Variants in CADM2 observed in about 807,000 individuals in gnomAD.
CADM2 encodes the protein immunoglobulin superfamily member 4D.
A neutral mutation model predicts 49.8 loss-of-function variants in CADM2; 12 were observed. The observed-to-expected ratio is 0.24, with a 90% CI of 0.15 to 0.39. The LOEUF (loss-of-function observed/expected upper bound fraction) is 0.39, where lower values mean the gene tolerates loss of function less well. Ranked by LOEUF, CADM2 falls within the 10% of genes least tolerant of loss-of-function variation. The pLI is 1.00. For missense variants in CADM2, 378 were observed against 492.3 expected (o/e 0.77, Z 2.20); for synonymous variants, 214 against 175.4 (o/e 1.22, Z -1.74).
intron 1 of CADM2, among the ~76,000 whole-genome samples, chr3:85,098,101 A>G (rs971001804): frequency 2.6e-5 from 4 of 152,158 alleles, no homozygotes; most frequent in African/African-American, 9.7e-5. Context: ...TCCAGCAACC[A>G]TGTGATTGGC....
chr3:85,481,818 T>C (rs568444492), intron 1 of CADM2, among the ~76,000 whole-genome samples: 24 of 151,888 alleles, frequency 1.6e-4, no homozygotes, highest in African/African-American at 5.5e-4. Flanking sequence ...TCTTGGTTTT[T>C]TTTTTTTCCT....
chr3:85,504,163 C>T (rs1012910467), intron 1 of CADM2, among the ~76,000 whole-genome samples: 18 of 152,026 alleles, frequency 1.2e-4, no homozygotes, highest in African/African-American at 2.7e-4. Flanking sequence ...TTCGGAGTTT[C>T]TTCCTTCTGG....
At chr3:85,787,523 G>A (rs772488902) in intron 2 of CADM2, among the ~76,000 whole-genome samples, 1 of 151,894 alleles carries the variant, frequency 6.6e-6, no homozygotes, top group Non-Finnish European at 1.5e-5. Context: ...CCAAAATCCA[G>A]GCATACTCAA....
chr3:85,321,564 GTTA>G (rs2044613441), intron 1 of CADM2, among the ~76,000 whole-genome samples: 1 of 151,972 alleles, frequency 6.6e-6, no homozygotes, highest in Non-Finnish European at 1.5e-5. Flanking sequence ...AATTATATGA[GTTA>G]TTATGTTGTT....
At chr3:85,077,760 A>G (rs2037003459) in intron 1 of CADM2, among the ~76,000 whole-genome samples, 1 of 152,098 alleles carries the variant, frequency 6.6e-6, no homozygotes, top group Non-Finnish European at 1.5e-5. Context: ...GTATAAAGAA[A>G]AGTTTTTTGT....
At chr3:85,481,692 T>C (rs1398464575) in intron 1 of CADM2, among the ~76,000 whole-genome samples, 1 of 151,692 alleles carries the variant, frequency 6.6e-6, no homozygotes, top group African/African-American at 2.4e-5. Flanking sequence ...TAATATCCCC[T>C]AGCACAATGT....
chr3:85,941,829 G>C (rs1400042944), intron 7 of CADM2, among the ~76,000 whole-genome samples: 3 of 152,040 alleles, frequency 2.0e-5, no homozygotes, highest in Non-Finnish European at 4.4e-5. Context: ...CTCAGGAGTG[G>C]TGAGGAATCC....
intron 1 of CADM2, among the ~76,000 whole-genome samples, chr3:85,491,321 G>A (rs1182904028): frequency 1.3e-5 from 2 of 152,034 alleles, no homozygotes; most frequent in Admixed American, 6.5e-5. Context: ...TTTTTAATAA[G>A]ACAAAATAGA....
At chr3:85,953,606 C>A (rs1158817378) in intron 7 of CADM2, among the ~76,000 whole-genome samples, 1 of 150,852 alleles carries the variant, frequency 6.6e-6, no homozygotes, top group African/African-American at 2.4e-5. Context: ...TGTTTCATAA[C>A]TCATTTATGC....
intron 1 of CADM2, among the ~76,000 whole-genome samples, chr3:85,163,439 T>C (rs568956317): frequency 5.3e-5 from 8 of 152,118 alleles, no homozygotes; most frequent in African/African-American, 1.9e-4. Flanking sequence ...GAGTAGTATA[T>C]CTCAGCCATA....
intron 1 of CADM2, among the ~76,000 whole-genome samples, chr3:85,721,721 A>G (rs2067510487): frequency 6.6e-6 from 1 of 152,210 alleles, no homozygotes; most frequent in South Asian, 2.1e-4. Flanking sequence ...CAGGGCCCCA[A>G]AGTGGGAGCC....
intron 1 of CADM2, among the ~76,000 whole-genome samples, chr3:85,662,322 C>T (rs2107612752): frequency 6.7e-6 from 1 of 149,426 alleles, no homozygotes; most frequent in South Asian, 2.1e-4. Flanking sequence ...CAAGAGATTT[C>T]TCTTAGGAAT....
intron 1 of CADM2, among the ~76,000 whole-genome samples, chr3:85,120,214 A>G (rs1388254252): frequency 6.6e-6 from 1 of 152,140 alleles, no homozygotes; most frequent in Admixed American, 6.6e-5. Flanking sequence ...TGGAGAAATA[A>G]ATGGTTTTAC....
At chr3:86,009,691 TA>T (rs1002731418) in intron 8 of CADM2, among the ~76,000 whole-genome samples, 1 of 151,902 alleles carries the variant, frequency 6.6e-6, no homozygotes, top group Non-Finnish European at 1.5e-5. Flanking sequence ...TAAAAATTAT[TA>T]TTTTTTTATG....
At position 85,755,012 on chromosome 3, in the gene CADM2, C is replaced by T. The variant is rs963111445; in HGVS notation, c.88+28464C>T. ...AGTTACAGAAACCCAGTTCTAATAACTTAACCATATTTGATGTTTTTTACA... is the reference window on the plus strand; with the variant it reads ...AGTTACAGAAACCCAGTTCTAATAATTTAACCATATTTGATGTTTTTTACA... On this transcript the variant is annotated intron_variant, in intron 2 of 9. Transcript: ENST00000383699. 4.6e-5 allele frequency among the ~76,000 whole-genome samples: 7 copies of T among 152,304 alleles called. No individual in the cohort carries two copies. The South Asian group carries it at 6.2e-4, about 14-fold the overall frequency.
chr3:85,666,318 C>G (rs537678494), intron 1 of CADM2, among the ~76,000 whole-genome samples: 2 of 151,858 alleles, frequency 1.3e-5, no homozygotes, highest in Non-Finnish European at 2.9e-5. Flanking sequence ...ATTGTTGCAG[C>G]CTTTGTTATT....
At chr3:85,564,318 T>C (rs760424689) in intron 1 of CADM2, among the ~76,000 whole-genome samples, 13 of 152,086 alleles carry the variant, frequency 8.5e-5, no homozygotes, top group Non-Finnish European at 1.8e-4. Context: ...CATCATCTCA[T>C]AAAACAGCTG....
At chr3:85,573,927 T>C (rs1201589892) in intron 1 of CADM2, among the ~76,000 whole-genome samples, 1 of 152,126 alleles carries the variant, frequency 6.6e-6, no homozygotes, top group Non-Finnish European at 1.5e-5. Flanking sequence ...AATCTACATA[T>C]GCAACATGTG....
At chr3:85,067,041 G>A (rs573720223) in intron 1 of CADM2, among the ~76,000 whole-genome samples, 26 of 152,118 alleles carry the variant, frequency 1.7e-4, no homozygotes, top group Admixed American at 9.8e-4. Context: ...ATTTGATCTA[G>A]GTTAGTAAGT....
Sources: allele counts gnomAD v4.1 joint callset (sites outside exome capture counted in the v4.1 genomes callset), GRCh38; gene constraint gnomAD v4.1.1; transcripts MANE v1.5; gene names NCBI Gene and HGNC (gene_info 2026-07-23, HGNC 2026-07-21).